Variants in ERO1B observed in about 807,000 individuals in gnomAD.
ERO1B encodes endoplasmic reticulum oxidoreductase 1 beta, also known as ERO1-like protein beta.
In ERO1B, 49 loss-of-function variants were observed where a neutral mutation model predicts 75.3. That is an observed-to-expected ratio of 0.65 (90% CI 0.52 to 0.83). The LOEUF (loss-of-function observed/expected upper bound fraction) is 0.83, where lower values mean the gene tolerates loss of function less well. Ranked by LOEUF, ERO1B falls within the 40% of genes least tolerant of loss-of-function variation. ERO1B has a pLI of 0.00. For missense variants in ERO1B, 512 were observed against 560.1 expected, an observed-to-expected ratio of 0.91 and a Z score of 0.87; for synonymous variants, 191 against 192.9, an observed-to-expected ratio of 0.99 and a Z score of 0.08.
At chr1:236,268,753 G>A (rs1245645778) in intron 2 of ERO1B, among the ~76,000 whole-genome samples, 1 of 152,024 alleles carries the variant, frequency 6.6e-6, no homozygotes, top group East Asian at 1.9e-4. Flanking sequence ...GTGCGTGGTG[G>A]CAGGTGCCTG....
chr1:236,222,601 G>A (rs1664179179), intron 13 of ERO1B, among the ~76,000 whole-genome samples: 1 of 152,074 alleles, frequency 6.6e-6, no homozygotes, highest in Non-Finnish European at 1.5e-5. Flanking sequence ...AATAATACAT[G>A]GTCTTTACTT....
Position 236,217,602 on chromosome 1 carries a change from A to T in ERO1B, c.*914T>A, listed in dbSNP as rs1664024081. ...CAAATTTTGTGTATATAATATTTTC[A>T]ATTGGCATTATAAATTCATATAATC... On this transcript the variant is annotated 3_prime_UTR_variant, in exon 16 of 16. Coordinates refer to ENST00000354619, the MANE Select transcript of ERO1B (RefSeq NM_019891.4). The T allele has an allele frequency of 6.6e-6, 1 of 152,620 alleles. No individual in the cohort carries two copies. The allele number at this position is 152,620 out of a possible 1,614,324, so 9.5% of individuals were successfully genotyped here.
At chr1:236,251,462 A>G (rs972150747) in intron 4 of ERO1B, 1 of 979,370 alleles carries the variant, frequency 1.0e-6, no homozygotes, top group East Asian at 1.1e-4. Flanking sequence ...AGTAAAAACA[A>G]AAGATTACAC....
intron 1 of ERO1B, among the ~76,000 whole-genome samples, chr1:236,279,910 CTGTT>C (rs1228948041): frequency 6.6e-6 from 1 of 151,288 alleles, no homozygotes; most frequent in Non-Finnish European, 1.5e-5. Flanking sequence ...ACTTGGAAGA[CTGTT>C]TGGCACAATG....
At chr1:236,269,775 A>C in intron 2 of ERO1B, 100 bp downstream of exon 2, 1 of 876,176 alleles carries the variant, frequency 1.1e-6, no homozygotes, top group Middle Eastern at 2.6e-4. Flanking sequence ...TGAAAGATAT[A>C]CACAAGGTGC....
chr1:236,278,630 A>C (rs1406652474), intron 1 of ERO1B, among the ~76,000 whole-genome samples: 1 of 152,118 alleles, frequency 6.6e-6, no homozygotes, highest in African/African-American at 2.4e-5. Context: ...ACTCAATTTT[A>C]TGCCACCTCA....
At chr1:236,255,050 G>A (rs529222780) in intron 2 of ERO1B, among the ~76,000 whole-genome samples, 1 of 151,558 alleles carries the variant, frequency 6.6e-6, no homozygotes, top group East Asian at 1.9e-4. Context: ...AGCCTCCCAA[G>A]TAGCTGGGAC....
intron 1 of ERO1B, among the ~76,000 whole-genome samples, chr1:236,271,640 A>G (rs1665590987): frequency 6.6e-6 from 1 of 151,910 alleles, no homozygotes. Flanking sequence ...GGTTTTAAAA[A>G]TATTTTATCT....
At chr1:236,277,686 A>G (rs1357776657) in intron 1 of ERO1B, among the ~76,000 whole-genome samples, 9 of 152,176 alleles carry the variant, frequency 5.9e-5, no homozygotes, top group South Asian at 2.1e-4. Flanking sequence ...GATTGCTCCA[A>G]TTTTAGTAAG....
intron 14 of ERO1B, chr1:236,221,683 G>T (rs1016493117): frequency 7.4e-6 from 3 of 405,578 alleles, no homozygotes; most frequent in Non-Finnish European, 1.3e-5. Context: ...ATCTGGTATT[G>T]TATCAATAGA....
chr1:236,264,572 G>A (rs920683130), intron 2 of ERO1B, among the ~76,000 whole-genome samples: 1 of 152,150 alleles, frequency 6.6e-6, no homozygotes, highest in Non-Finnish European at 1.5e-5. Flanking sequence ...GGCCAGGCAT[G>A]GTGGCTCATG....
intron 1 of ERO1B, among the ~76,000 whole-genome samples, chr1:236,271,659 T>C (rs573665194): frequency 2.0e-5 from 3 of 151,586 alleles, no homozygotes; most frequent in Non-Finnish European, 4.4e-5. Context: ...CTAGTGATTG[T>C]TTTTTATATA....
At chr1:236,279,375 C>A (rs1421433055) in intron 1 of ERO1B, among the ~76,000 whole-genome samples, 1 of 151,574 alleles carries the variant, frequency 6.6e-6, no homozygotes, top group Non-Finnish European at 1.5e-5. Flanking sequence ...TGGTGGCACA[C>A]ACCTATAGTC....
chr1:236,246,181 TCA>T (rs1664882424), intron 5 of ERO1B, among the ~76,000 whole-genome samples: 1 of 152,116 alleles, frequency 6.6e-6, no homozygotes, highest in African/African-American at 2.4e-5. Flanking sequence ...TTTTATTTTT[TCA>T]CAGATAGTGT....
chr1:236,257,811 A>C (rs1665194522), intron 2 of ERO1B, among the ~76,000 whole-genome samples: 3 of 151,416 alleles, frequency 2.0e-5, no homozygotes. Flanking sequence ...CCAACAGCAG[A>C]CTAGATCAAG....
chr1:236,243,897 G>T (rs1664773822), intron 5 of ERO1B, among the ~76,000 whole-genome samples: 1 of 151,946 alleles, frequency 6.6e-6, no homozygotes, highest in South Asian at 2.1e-4. Context: ...AATTTAAATT[G>T]TGTCTATACT....
intron 4 of ERO1B, chr1:236,251,454 T>C (rs1665026868): frequency 5.1e-6 from 5 of 976,930 alleles, no homozygotes; most frequent in African/African-American, 3.5e-5. Flanking sequence ...TACAATAAAG[T>C]AAAAACAAAA....
At chr1:236,270,049 A>G in intron 1 of ERO1B, 55 bp from the exon 2 acceptor site, 1 of 1,200,742 alleles carries the variant, frequency 8.3e-7, no homozygotes. Context: ...ACCTTAACAA[A>G]TCTACACTAT....
At chr1:236,226,572 T>C in intron 11 of ERO1B, 57 bp from the exon 12 acceptor site, 1 of 1,595,610 alleles carries the variant, frequency 6.3e-7, no homozygotes, top group Middle Eastern at 1.7e-4. Flanking sequence ...TTTTTTCTGC[T>C]CTAAAGAATA....
Sources: allele counts gnomAD v4.1 joint callset (sites outside exome capture counted in the v4.1 genomes callset), GRCh38; gene constraint gnomAD v4.1.1; transcripts MANE v1.5; gene names NCBI Gene and HGNC (gene_info 2026-07-23, HGNC 2026-07-21).